NCKAP5L: variants seen among roughly 807,000 people sequenced by gnomAD.
NCKAP5L encodes nck-associated protein 5-like.
Under a neutral mutation model 103.2 loss-of-function variants are expected in NCKAP5L, and 54 were observed. The ratio of observed to expected loss-of-function variants is 0.52; its 90% CI spans 0.42 to 0.66. The LOEUF (loss-of-function observed/expected upper bound fraction) is 0.66, where lower values mean the gene tolerates loss of function less well. NCKAP5L is among the 30% of genes least tolerant of loss of function. NCKAP5L has a pLI of 0.00. For synonymous variants in NCKAP5L, 762 were observed against 748.6 expected, an observed-to-expected ratio of 1.02 and a Z score of -0.29; for missense variants, 1,733 against 1,750.6, an observed-to-expected ratio of 0.99 and a Z score of 0.18.
chr12:49,797,136 G>A lies in NCKAP5L; in HGVS notation c.724C>T (p.Pro242Ser), dbSNP rs1412793125. The change falls in exon 8 of 13, where the codon CCC becomes TCC. Residue 242 changes from proline (P) to serine (S), a missense_variant. By Grantham distance (74) the Pro-to-Ser change is moderately conservative (BLOSUM62 -1). Coordinates refer to ENST00000335999, the MANE Select transcript of NCKAP5L (RefSeq NM_001037806.4). The surrounding 1 kb of genome is among the most constrained non-coding windows in gnomAD (Gnocchi z 4.5). The part of the protein sequence containing the change: ...PPQPEPSPWA[P>S]CLLLGPGNLG... ...TTGCCAGGGCCTAGCAGCAGGCAGG[G>A]CGCCCAGGGTGAGGGTTCAGGCTGA... The A allele has an allele frequency of 1.9e-6, 3 of 1,605,044 alleles. No homozygotes were observed. Among genetic ancestry groups the A allele is most frequent in the Non-Finnish European group, 2.6e-6 (3 of 1,176,234 alleles).
At position 49,795,738 on chromosome 12, in the gene NCKAP5L, T is replaced by A; in HGVS notation, c.2122A>T (p.Met708Leu). ...PGKSGESAGD[M>L]VPSIHRPLEQ... ...AGTGGCCTGTGGATGGAGGGCACCA[T>A]GTCTCCAGCACTCTCCCCTGACTTC... Residue 708 changes from methionine (M) to leucine (L), a missense_variant, in exon 8 of 13, where the codon ATG (methionine) becomes TTG (leucine). Transcript: ENST00000335999. 1 of 1,603,624 alleles carries A rather than the reference T, an allele frequency of 6.2e-7. No homozygotes were observed. The highest frequency in any genetic ancestry group is 1.1e-5 in the South Asian group (1 of 89,246).
Position 49,793,376 on chromosome 12 carries a change from G to A in NCKAP5L, c.3316C>T (p.Pro1106Ser). The change falls in exon 10 of 13, where the codon CCA (proline) becomes TCA (serine). Residue 1106 changes from proline (P) to serine (S), a missense_variant. Transcript: ENST00000335999. ...CCTGTGAAGTGTGAGGTGGGCACTG[G>A]CTCGGCCAGGCTGTCCTCCGAGGGC... ...EMPSEDSLAE[P>S]VPTSHFTACG... 1 of 1,607,954 alleles carries A rather than the reference G, an allele frequency of 6.2e-7. No individual in the cohort carries two copies. Among genetic ancestry groups the A allele is most frequent in the Admixed American group, 1.7e-5 (1 of 60,008 alleles).
In NCKAP5L at chr12:49,792,610, GTGGA is replaced by G; in HGVS notation, c.3650-26_3650-23del. The G allele has an allele frequency of 6.2e-7, 1 of 1,613,762 alleles. No homozygotes were observed. The highest frequency in any genetic ancestry group is 8.5e-7 in the Non-Finnish European group (1 of 1,179,802). On this transcript the variant is annotated intron_variant, in intron 11 of 12. Coordinates refer to ENST00000335999, the MANE Select transcript of NCKAP5L (RefSeq NM_001037806.4). This position sits in a 1 kb window ranked among gnomAD's most constrained non-coding sequence, Gnocchi z 4.5. The stretch of plus-strand genomic sequence containing the variant: ...GGATCTGTCCAGGAACAAAGGGAAG[GTGGA>G]TGGAGCTGCCTGGGCAGCTCCAGGA...
Position 49,796,211 on chromosome 12 carries a change from G to A in NCKAP5L, c.1649C>T (p.Pro550Leu), listed in dbSNP as rs753744222. ...SALSTTLSPGPVVSPCYENIL... is the reference protein window; with the variant it reads ...SALSTTLSPGLVVSPCYENIL... The stretch of plus-strand genomic sequence containing the variant: ...GTTCTCATAGCAGGGAGACACCACT[G>A]GGCCTGGGGACAGCGTGGTGGACAA... The change falls in exon 8 of 13, where the codon CCA becomes CTA. Residue 550 changes from proline (P) to leucine (L), a missense_variant. Transcript: ENST00000335999. 5.0e-6 allele frequency: 8 copies of A among 1,593,792 alleles called. No individual in the cohort carries two copies. The East Asian group carries it at 1.8e-4, about 36-fold the overall frequency.
intron 1 of NCKAP5L, among the ~76,000 whole-genome samples, chr12:49,814,483 C>CAA (rs1048441446): frequency 6.4e-5 from 5 of 78,486 alleles, no homozygotes; most frequent in Admixed American, 1.3e-4. Context: ...GACACCGTCT[C>CAA]AAAAAAAAAA....
At chr12:49,798,204 C>T (rs1946079279) in intron 7 of NCKAP5L, 146 bp downstream of exon 7, 1 of 752,384 alleles carries the variant, frequency 1.3e-6, no homozygotes, top group Non-Finnish European at 2.3e-6. Flanking sequence ...GGGCCAGTGG[C>T]TAGGATTGGG....
Position 49,796,726 on chromosome 12 carries a change from C to A in NCKAP5L, c.1134G>T (p.Lys378Asn). Residue 378 changes from lysine (K) to asparagine (N), a missense_variant, in exon 8 of 13, where the codon AAG becomes AAT. By Grantham distance (94) the Lys-to-Asn change is moderately conservative. Coordinates refer to ENST00000335999, the MANE Select transcript of NCKAP5L (RefSeq NM_001037806.4). ...CTGGGGTACCCCCACCCCAAGCTGA[C>A]TTGGGGAGGCCTTTGGACTTAGACA... is the stretch of plus-strand genomic sequence containing the variant. ...PQLSKSKGLP[K>N]SAWGGGTPEA... The A allele has an allele frequency of 6.2e-7, 1 of 1,609,268 alleles. No individual in the cohort carries two copies. The highest frequency in any genetic ancestry group is 8.5e-7 in the Non-Finnish European group (1 of 1,177,844).
intron 1 of NCKAP5L, among the ~76,000 whole-genome samples, chr12:49,823,596 A>C (rs1946384586): frequency 6.6e-6 from 1 of 152,100 alleles, no homozygotes; most frequent in African/African-American, 2.4e-5. Flanking sequence ...CCTGCAGGCA[A>C]CAGCAGGAGC....
intron 1 of NCKAP5L, among the ~76,000 whole-genome samples, chr12:49,813,406 TCTTTGCATGTG>T (rs1364623922): frequency 6.6e-6 from 1 of 152,250 alleles, no homozygotes; most frequent in South Asian, 2.1e-4. Context: ...ATGTTAAACA[TCTTTGCATGTG>T]CTTATTGGCC....
chr12:49,791,421 G>A lies in NCKAP5L; in HGVS notation c.*418C>T. The A allele has an allele frequency of 6.2e-6, 1 of 162,322 alleles. No individual in the cohort carries two copies. The highest frequency in any genetic ancestry group is 1.3e-5 in the Non-Finnish European group (1 of 75,238). 10.1% of individuals were successfully genotyped at this position (162,322 alleles called of 1,614,324 possible). On this transcript the variant is annotated 3_prime_UTR_variant, in exon 13 of 13. Transcript: ENST00000335999. ...TCCCCCTGGCCCCCAAACTCCACCA[G>A]CACGGGGGCCTCCAGGAGGGCCTCG...
intron 1 of NCKAP5L, among the ~76,000 whole-genome samples, chr12:49,816,952 G>C (rs572698789): frequency 6.6e-6 from 1 of 152,248 alleles, no homozygotes; most frequent in East Asian, 1.9e-4. Context: ...ATTCAGAGAA[G>C]GGTCAGCTCT....
chr12:49,813,094 C>A (rs892741239), intron 1 of NCKAP5L, among the ~76,000 whole-genome samples: 6 of 151,990 alleles, frequency 3.9e-5, no homozygotes, highest in African/African-American at 1.5e-4. Flanking sequence ...GTTGGTTGGA[C>A]CCTGCAAATG....
rs935122827 is a variant in NCKAP5L at position 49,792,158 on chromosome 12, C to A, written c.3793-107G>T. The A allele has an allele frequency of 9.0e-6, 10 of 1,113,262 alleles. No homozygotes were observed. In the African/African-American group the frequency reaches 1.2e-4, roughly 14 times the overall value. The allele number at this position is 1,113,262 out of a possible 1,614,324, so 69.0% of individuals were successfully genotyped here. On this transcript the variant is annotated intron_variant, in intron 12 of 12. Coordinates refer to ENST00000335999, the MANE Select transcript of NCKAP5L (RefSeq NM_001037806.4). The surrounding 1 kb of genome is among the most constrained non-coding windows in gnomAD (Gnocchi z 4.5). ...TCTGTGCACCTGATGGGGGGCTGCT[C>A]CAGAGGGGGCCCAAGGTGGGGTATA... is the stretch of plus-strand genomic sequence containing the variant.
intron 8 of NCKAP5L, among the ~76,000 whole-genome samples, chr12:49,794,206 G>T (rs972205234): frequency 6.6e-6 from 1 of 152,152 alleles, no homozygotes; most frequent in African/African-American, 2.4e-5. Flanking sequence ...TCACATCCTG[G>T]TCCATGAACG....
chr12:49,800,814 T>C (rs139279725), intron 6 of NCKAP5L, among the ~76,000 whole-genome samples: 2 of 152,298 alleles, frequency 1.3e-5, no homozygotes, highest in Non-Finnish European at 2.9e-5. Context: ...AGAATTCATT[T>C]AGGTAAAAAG....
intron 1 of NCKAP5L, among the ~76,000 whole-genome samples, chr12:49,820,756 C>G (rs75975380): frequency 5.9e-4 from 90 of 152,342 alleles, no homozygotes; most frequent in African/African-American, 2.0e-3. Context: ...GTCAGCTCTA[C>G]GCTGGGAGGA....
Position 49,792,594 on chromosome 12 carries a change from C to T in NCKAP5L, c.3650-6G>A. The T allele has an allele frequency of 6.2e-7, 1 of 1,613,750 alleles. No individual in the cohort carries two copies. The highest frequency in any genetic ancestry group is 1.3e-5 in the African/African-American group (1 of 74,980). ...GCCTGGGTCTTCACAGGGATCTGTC[C>T]AGGAACAAAGGGAAGGTGGATGGAG... On this transcript the variant is annotated splice_polypyrimidine_tract_variant and splice_region_variant and intron_variant, in intron 11 of 12. Transcript: ENST00000335999. The surrounding 1 kb of genome is among the most constrained non-coding windows in gnomAD (Gnocchi z 4.5).
At chr12:49,801,991 AG>A (rs1038913586) in intron 5 of NCKAP5L, 24 bp from the exon 6 acceptor site, 3 of 1,612,272 alleles carry the variant, frequency 1.9e-6, no homozygotes, top group South Asian at 1.1e-5. Context: ...CGGGAAGTGC[AG>A]GAAGAAGAGG....
intron 1 of NCKAP5L, among the ~76,000 whole-genome samples, chr12:49,824,442 C>A (rs553806274): frequency 6.6e-6 from 1 of 152,252 alleles, no homozygotes; most frequent in Non-Finnish European, 1.5e-5. Flanking sequence ...AGCCCCCTTG[C>A]ATCCTTGGTA....
Sources: gnomAD v4.1 joint callset for allele counts (sites outside exome capture counted in the v4.1 genomes callset) on GRCh38, gnomAD v4.1.1 for gene constraint, Gnocchi (gnomAD v3.1) non-coding constraint, MANE v1.5 for transcripts, NCBI Gene and HGNC (gene_info 2026-07-23, HGNC 2026-07-21) for gene names.